Variants in GATM observed in about 807,000 individuals in gnomAD.
GATM encodes glycine amidinotransferase, mitochondrial.
In GATM, 23 loss-of-function variants were observed where a neutral mutation model predicts 54.2. The ratio of observed to expected loss-of-function variants is 0.42; its 90% CI spans 0.31 to 0.60. The LOEUF is 0.60. Among genes scored for constraint, GATM ranks in the 20% least tolerant of loss-of-function variants. The probability of loss-of-function intolerance (pLI) is 0.14; values close to 1 mark genes in which losing one functional copy is unlikely to be tolerated. For synonymous variants in GATM, 168 were observed against 183.1 expected (o/e 0.92, Z 0.67); for missense variants, 401 against 544.9 (o/e 0.74, Z 2.63).
At position 45,366,222 on chromosome 15, in the gene GATM, A is replaced by C; in HGVS notation, c.814-12T>G. The C allele has an allele frequency of 2.5e-6, 4 of 1,614,126 alleles. No homozygotes were observed. The highest frequency in any genetic ancestry group is 3.4e-6 in the Non-Finnish European group (4 of 1,179,962). ...AGGTAGTTTGTAACCTGAAAACAAA[A>C]GAAAGACATACGATCGATAAATATT... On this transcript the variant is annotated splice_polypyrimidine_tract_variant and intron_variant, in intron 5 of 8. Coordinates refer to ENST00000396659, the MANE Select transcript of GATM (RefSeq NM_001482.3).
intron 3 of GATM, among the ~76,000 whole-genome samples, chr15:45,389,190 C>A (rs1889840249): frequency 6.6e-6 from 1 of 152,226 alleles, no homozygotes; most frequent in African/African-American, 2.4e-5. Flanking sequence ...ATATAAACTT[C>A]TCCCATTTGT....
At chr15:45,399,264 C>T (rs1210617459) in intron 2 of GATM, among the ~76,000 whole-genome samples, 1 of 152,170 alleles carries the variant, frequency 6.6e-6, no homozygotes. Context: ...AACTTAGAAA[C>T]TGAGTTTTAC....
upstream of GATM, chr15:45,380,249 GAAAAA>G (rs35353298): frequency 1.7e-5 from 2 of 119,776 alleles, no homozygotes; most frequent in Admixed American, 8.1e-5. Context: ...TCCATCTGGG[GAAAAA>G]AAAAAAAAAA....
intron 1 of GATM, chr15:45,377,739 C>T (rs900697139): frequency 6.1e-6 from 1 of 162,928 alleles, no homozygotes; most frequent in African/African-American, 2.4e-5. Flanking sequence ...GATTCCAGTA[C>T]TAGAAGCATG....
rs1889686923 is a variant in GATM at position 45,378,541 on chromosome 15, G to A, written c.-88C>T. 1 of 1,098,880 alleles carries A rather than the reference G, an allele frequency of 9.1e-7. No individual in the cohort carries two copies. Among genetic ancestry groups the A allele is most frequent in the Non-Finnish European group, 1.2e-6 (1 of 841,060 alleles). 68.1% of individuals were successfully genotyped at this position (1,098,880 alleles called of 1,614,324 possible). On this transcript the variant is annotated 5_prime_UTR_variant, in exon 1 of 9. Coordinates refer to ENST00000396659, the MANE Select transcript of GATM (RefSeq NM_001482.3). The stretch of plus-strand genomic sequence containing the variant: ...CCTTCCCGAGAGCGCGCCCGGAGCG[G>A]GGTGGGCGGGCGCGCGGGGCCCGAG...
chr15:45,398,338 T>C (rs948374930), intron 2 of GATM, among the ~76,000 whole-genome samples: 1 of 152,212 alleles, frequency 6.6e-6, no homozygotes, highest in East Asian at 1.9e-4. Context: ...TAAAAAATGA[T>C]GAATCAAGCA....
At chr15:45,363,175 G>A (rs1323886193) in intron 8 of GATM, among the ~76,000 whole-genome samples, 6 of 152,084 alleles carry the variant, frequency 3.9e-5, no homozygotes, top group South Asian at 2.1e-4. Context: ...AGGAGGCTGC[G>A]GCAGGAGAAT....
Position 45,376,800 on chromosome 15 carries a change from C to A in GATM, c.89G>T (p.Gly30Val), listed in dbSNP as rs773473195. 6.2e-7 allele frequency: 1 copy of A among 1,613,976 alleles called. No individual in the cohort carries two copies. Among genetic ancestry groups the A allele is most frequent in the East Asian group, 2.2e-5 (1 of 44,870 alleles). ...GCTCTGGAAAGTTCGCTGCACCCAT[C>A]CTGTCAAGGTTCGTCCAAGCTTCCA... ...IGSRLGRTLT[G>V]WVQRTFQSTQ... Residue 30 changes from glycine (G) to valine (V), a missense_variant, in exon 2 of 9, where the codon GGA becomes GTA. Around this residue, in one of 3 missense-constraint regions of GATM, gnomAD observed 70 missense variants for 61.5 expected, o/e 1.14. Coordinates refer to ENST00000396659, the MANE Select transcript of GATM (RefSeq NM_001482.3).
chr15:45,376,590 C>A lies in GATM; in HGVS notation c.288+11G>T. ...AGCGCACTTTCAGACATGTGAATAG[C>A]CTTCCTTTACCTTCACCTCGATGGT... On this transcript the variant is annotated intron_variant, in intron 2 of 8. Coordinates refer to ENST00000396659, the MANE Select transcript of GATM (RefSeq NM_001482.3). 2 of 1,613,060 alleles carry A rather than the reference C, an allele frequency of 1.2e-6. No individual in the cohort carries two copies. Among genetic ancestry groups the A allele is most frequent in the Non-Finnish European group, 1.7e-6 (2 of 1,179,084 alleles).
intron 3 of GATM, among the ~76,000 whole-genome samples, chr15:45,390,204 T>C (rs991096751): frequency 5.9e-5 from 9 of 152,172 alleles, no homozygotes; most frequent in Non-Finnish European, 7.4e-5. Context: ...TGCCAGTCCA[T>C]AGGTCACATG....
intron 1 of GATM, 28 bp downstream of exon 1, chr15:45,378,357 C>T: frequency 6.6e-7 from 1 of 1,503,978 alleles, no homozygotes; most frequent in East Asian, 2.6e-5. Flanking sequence ...GTCACGCGGC[C>T]GCCAGACGAG....
At chr15:45,367,642 GT>G (rs1426176339) in intron 4 of GATM, among the ~76,000 whole-genome samples, 1 of 152,176 alleles carries the variant, frequency 6.6e-6, no homozygotes, top group Non-Finnish European at 1.5e-5. Context: ...TCATTTTACT[GT>G]GAATTTGAAC....
At chr15:45,376,942 A>G (rs1483809343) in intron 1 of GATM, 123 bp from the exon 2 acceptor site, 4 of 863,408 alleles carry the variant, frequency 4.6e-6, no homozygotes, top group African/African-American at 3.3e-5. Context: ...TTAGAACAGC[A>G]TAAACCAAGA....
At chr15:45,374,943 A>G (rs978575796) in intron 2 of GATM, among the ~76,000 whole-genome samples, 1 of 152,222 alleles carries the variant, frequency 6.6e-6, no homozygotes, top group African/African-American at 2.4e-5. Context: ...ATAGGAGTCT[A>G]GGCTGTGTCT....
At chr15:45,397,650 T>A (rs1889949234) in intron 2 of GATM, among the ~76,000 whole-genome samples, 2 of 152,210 alleles carry the variant, frequency 1.3e-5, no homozygotes, top group Non-Finnish European at 2.9e-5. Flanking sequence ...GTAAGTAATG[T>A]GTTTTCCTGA....
chr15:45,377,663 GAAGA>G (rs1889661990), intron 1 of GATM: 3 of 169,992 alleles, frequency 1.8e-5, no homozygotes, highest in South Asian at 2.9e-4. Context: ...GGTGGAGGCA[GAAGA>G]AAGACGGAGA....
At chr15:45,376,941 C>A in intron 1 of GATM, 122 bp from the exon 2 acceptor site, 2 of 877,884 alleles carry the variant, frequency 2.3e-6, no homozygotes, top group South Asian at 2.9e-5. Context: ...TTTAGAACAG[C>A]ATAAACCAAG....
In GATM at chr15:45,364,777, G is replaced by A. The variant is rs1417371204; in HGVS notation, c.1042+20C>T. On this transcript the variant is annotated intron_variant, in intron 7 of 8. Transcript: ENST00000396659. ...CTAAAGTAATTATTTTAGTCTAACAGTGTATGAAAGTAAACATACCGTCTG... is the reference window on the plus strand; with the variant it reads ...CTAAAGTAATTATTTTAGTCTAACAATGTATGAAAGTAAACATACCGTCTG... The A allele has an allele frequency of 3.8e-6, 6 of 1,596,832 alleles. No individual in the cohort carries two copies. Among genetic ancestry groups the A allele is most frequent in the Non-Finnish European group, 5.2e-6 (6 of 1,164,408 alleles).
chr15:45,378,526 A>G lies in GATM; in HGVS notation c.-73T>C. 3 of 1,221,820 alleles carry G rather than the reference A, an allele frequency of 2.5e-6. No individual in the cohort carries two copies. Among genetic ancestry groups the G allele is most frequent in the Non-Finnish European group, 3.1e-6 (3 of 956,110 alleles). The allele number at this position is 1,221,820 out of a possible 1,614,324, so 75.7% of individuals were successfully genotyped here. A position where few individuals can be genotyped will look rare whatever the true frequency, so the allele number is the denominator to read the frequency against. On this transcript the variant is annotated 5_prime_UTR_variant, in exon 1 of 9. Transcript: ENST00000396659. ...CCGCGTCGGTCCAAGCCTTCCCGAGAGCGCGCCCGGAGCGGGGTGGGCGGG... is the reference window on the plus strand; with the variant it reads ...CCGCGTCGGTCCAAGCCTTCCCGAGGGCGCGCCCGGAGCGGGGTGGGCGGG...
Sources: allele counts gnomAD v4.1 joint callset (sites outside exome capture counted in the v4.1 genomes callset), GRCh38; gene constraint gnomAD v4.1.1; regional missense constraint gnomAD v4.1.1; transcripts MANE v1.5; gene names NCBI Gene and HGNC (gene_info 2026-07-23, HGNC 2026-07-21).